Variants in RGS10 observed in about 807,000 individuals in gnomAD.
The protein encoded by RGS10 is regulator of G protein signaling 10.
RGS10 carries 11 observed loss-of-function variants against 23.5 expected under a neutral mutation model. The observed-to-expected ratio is 0.47, with a 90% confidence interval of 0.29 to 0.77. The LOEUF (loss-of-function observed/expected upper bound fraction) is 0.77, where lower values mean the gene tolerates loss of function less well. Ranked by LOEUF, RGS10 falls within the 30% of genes least tolerant of loss-of-function variation. The pLI, the probability that RGS10 is intolerant of heterozygous loss-of-function variation, is 0.08. For missense variants in RGS10, 180 were observed against 226.3 expected (o/e 0.80, Z 1.31); for synonymous variants, 77 against 83.2 (o/e 0.92, Z 0.41).
At chr10:119,509,295 A>G (rs539814596) in intron 4 of RGS10, among the ~76,000 whole-genome samples, 2 of 152,236 alleles carry the variant, frequency 1.3e-5, no homozygotes, top group South Asian at 2.1e-4. Flanking sequence ...ACTAAATTCT[A>G]AAGTGAAAGA....
At chr10:119,502,275 C>A (rs1445319706) in intron 4 of RGS10, among the ~76,000 whole-genome samples, 1 of 152,182 alleles carries the variant, frequency 6.6e-6, no homozygotes, top group African/African-American at 2.4e-5. Flanking sequence ...CTTATTCAGC[C>A]CTTCCAGGCA....
At chr10:119,530,820 C>T (rs147378283) in intron 1 of RGS10, among the ~76,000 whole-genome samples, 1 of 152,294 alleles carries the variant, frequency 6.6e-6, no homozygotes, top group African/African-American at 2.4e-5. Context: ...AAGACCCTGT[C>T]TCAATCAATC....
At position 119,517,870 on chromosome 10, in the gene RGS10, C is replaced by T. The variant is rs1221528900; in HGVS notation, c.256-2218G>A. 1.3e-5 allele frequency among the ~76,000 whole-genome samples: 2 copies of T among 152,162 alleles called. No individual in the cohort carries two copies. The highest frequency in any genetic ancestry group is 2.4e-5 in the African/African-American group (1 of 41,442). On this transcript the variant is annotated intron_variant, in intron 3 of 4. Transcript: ENST00000369103. The surrounding 1 kb of genome is among the most constrained non-coding windows in gnomAD (Gnocchi z 5.0). ...TGAGGGTCTCAGCCCTGCCCTCTTC[C>T]ACCGGCTGTCCCTCCTGAGTCTGCG... is the stretch of plus-strand genomic sequence containing the variant.
Position 119,524,253 on chromosome 10 carries a change from C to T in RGS10, c.255+1779G>A, listed in dbSNP as rs1186852436. On this transcript the variant is annotated intron_variant, in intron 3 of 4. Transcript: ENST00000369103. The surrounding 1 kb of genome is among the most constrained non-coding windows in gnomAD (Gnocchi z 5.2). Reference sequence around the variant, plus strand: ...TTCAGTGCTGGGCACCAAGCAGGCACTTCACAAAGATTTGGGGAATTCAAC... The same window carrying T: ...TTCAGTGCTGGGCACCAAGCAGGCATTTCACAAAGATTTGGGGAATTCAAC... Among the ~76,000 whole-genome samples the T allele has an allele frequency of 2.6e-5, 4 of 152,190 alleles. No homozygotes were observed. The highest frequency in any genetic ancestry group is 5.9e-5 in the Non-Finnish European group (4 of 68,034).
chr10:119,537,257 G>A (rs563037205), intron 1 of RGS10, among the ~76,000 whole-genome samples: 5 of 151,944 alleles, frequency 3.3e-5, no homozygotes, highest in South Asian at 2.1e-4. Context: ...TGGTGCATGC[G>A]TGTAATCCCA....
intron 3 of RGS10, among the ~76,000 whole-genome samples, chr10:119,523,921 C>G (rs1464027558): frequency 6.6e-6 from 1 of 152,170 alleles, no homozygotes; most frequent in Non-Finnish European, 1.5e-5. Flanking sequence ...CCCTGCCAGC[C>G]TGAAGCACAG....
intron 3 of RGS10, among the ~76,000 whole-genome samples, chr10:119,525,083 A>G (rs1844258819): frequency 6.6e-6 from 1 of 152,178 alleles, no homozygotes; most frequent in Admixed American, 6.5e-5. Context: ...TTTTTTAATT[A>G]GTTCCAACAT....
chr10:119,505,421 G>A (rs1843999394), intron 4 of RGS10, among the ~76,000 whole-genome samples: 2 of 146,218 alleles, frequency 1.4e-5, no homozygotes, highest in South Asian at 2.1e-4. Flanking sequence ...CGCCTGGACT[G>A]TAAACTGTTT....
At chr10:119,519,820 AT>A (rs1844192985) in intron 3 of RGS10, among the ~76,000 whole-genome samples, 1 of 151,616 alleles carries the variant, frequency 6.6e-6, no homozygotes, top group South Asian at 2.1e-4. Flanking sequence ...CCCTCCGTGA[AT>A]TCTGGGGTTT....
chr10:119,511,678 G>A (rs1844077417), intron 4 of RGS10, among the ~76,000 whole-genome samples: 1 of 152,044 alleles, frequency 6.6e-6, no homozygotes, highest in African/African-American at 2.4e-5. Flanking sequence ...CACATAATAC[G>A]CCGACCTCAA....
At chr10:119,534,409 G>A (rs1221885584) in intron 1 of RGS10, among the ~76,000 whole-genome samples, 13 of 150,780 alleles carry the variant, frequency 8.6e-5, no homozygotes, top group East Asian at 5.8e-4. Flanking sequence ...TGAACAATAC[G>A]ATGAAACCCT....
intron 3 of RGS10, 130 bp downstream of exon 3, chr10:119,525,902 T>C: frequency 2.0e-6 from 1 of 509,506 alleles, no homozygotes; most frequent in Non-Finnish European, 3.5e-6. Context: ...CAACACAAGA[T>C]ACCTAATCTG....
At position 119,517,143 on chromosome 10, in the gene RGS10, G is replaced by C. The variant is rs1183725302; in HGVS notation, c.256-1491C>G. Among the ~76,000 whole-genome samples, 1 of 152,252 alleles carries C rather than the reference G, an allele frequency of 6.6e-6. No homozygotes were observed. Among genetic ancestry groups the C allele is most frequent in the Non-Finnish European group, 1.5e-5 (1 of 68,048 alleles). ...AGGAAACCACCAGAAGGTTTTGATA[G>C]CTGGGGCATGAAAGGAAGGAAGGGT... On this transcript the variant is annotated intron_variant, in intron 3 of 4. Transcript: ENST00000369103. The surrounding 1 kb of genome is among the most constrained non-coding windows in gnomAD (Gnocchi z 5.0).
intron 2 of RGS10, among the ~76,000 whole-genome samples, chr10:119,526,328 T>C (rs1019440179): frequency 6.6e-6 from 1 of 152,214 alleles, no homozygotes; most frequent in Non-Finnish European, 1.5e-5. Flanking sequence ...GGTTTTGACA[T>C]TGTAAAGAAG....
Position 119,536,120 on chromosome 10 carries a change from AC to A in RGS10, c.49+6469del, listed in dbSNP as rs1399116055. Among the ~76,000 whole-genome samples the A allele has an allele frequency of 2.0e-5, 3 of 152,260 alleles. No individual in the cohort carries two copies. In the East Asian group the frequency reaches 5.8e-4, roughly 29 times the overall value. On this transcript the variant is annotated intron_variant, in intron 1 of 4. Transcript: ENST00000369103. Reference sequence around the variant, plus strand: ...TCTAGCTGCTGAGAATAACTACCCCACCTGCATGCAATTCCCTTGCCAGAGA... The same window carrying A: ...TCTAGCTGCTGAGAATAACTACCCCACTGCATGCAATTCCCTTGCCAGAGA...
intron 4 of RGS10, 38 bp downstream of exon 4, chr10:119,515,471 G>C: frequency 1.2e-6 from 2 of 1,612,626 alleles, no homozygotes; most frequent in Non-Finnish European, 1.7e-6. Context: ...ATTAATGTAG[G>C]TTTTCAAATC....
intron 3 of RGS10, among the ~76,000 whole-genome samples, chr10:119,518,699 ACCCCCAATC>A (rs1457578972): frequency 1.6e-5 from 2 of 124,934 alleles, no homozygotes; most frequent in Non-Finnish European, 3.4e-5. Flanking sequence ...TGGCCTCACC[ACCCCCAATC>A]CCTCTTTTTT....
chr10:119,535,047 T>C (rs1844373325), intron 1 of RGS10, among the ~76,000 whole-genome samples: 2 of 152,116 alleles, frequency 1.3e-5, no homozygotes, highest in South Asian at 4.1e-4. Context: ...TGAGGCACGG[T>C]AACTTACAAG....
chr10:119,534,626 C>T (rs1031009169), intron 1 of RGS10, among the ~76,000 whole-genome samples: 13 of 138,012 alleles, frequency 9.4e-5, no homozygotes, highest in African/African-American at 3.3e-4. Context: ...CGCGGTGGCT[C>T]ACGCCTGTAA....
Sources: gnomAD v4.1 joint callset for allele counts (sites outside exome capture counted in the v4.1 genomes callset) on GRCh38, gnomAD v4.1.1 for gene constraint, Gnocchi (gnomAD v3.1) non-coding constraint, MANE v1.5 for transcripts, NCBI Gene and HGNC (gene_info 2026-07-23, HGNC 2026-07-21) for gene names.